Variants in NSD3 observed in about 807,000 individuals in gnomAD.
NSD3 encodes the protein nuclear receptor binding SET domain protein 3.
In NSD3, 24 loss-of-function variants were observed where a neutral mutation model predicts 160.8. The ratio of observed to expected loss-of-function variants is 0.15; its 90% CI spans 0.11 to 0.21. NSD3 has a LOEUF of 0.21. Ranked by LOEUF, NSD3 falls within the 10% of genes least tolerant of loss-of-function variation. NSD3 has a pLI of 1.00. For synonymous variants in NSD3, 520 were observed against 600.0 expected, an observed-to-expected ratio of 0.87 and a Z score of 1.95; for missense variants, 1,157 against 1,735.9, an observed-to-expected ratio of 0.67 and a Z score of 5.93.
intron 1 of NSD3, among the ~76,000 whole-genome samples, chr8:38,357,074 A>G (rs1040775596): frequency 5.6e-5 from 8 of 142,504 alleles, no homozygotes; most frequent in Admixed American, 7.6e-5. Context: ...AGCCAAGATC[A>G]CACCACTGCA....
At chr8:38,345,140 TA>T (rs1276122521) in intron 2 of NSD3, among the ~76,000 whole-genome samples, 2 of 151,982 alleles carry the variant, frequency 1.3e-5, no homozygotes, top group African/African-American at 4.8e-5. Context: ...CAGTTCCAAT[TA>T]ATCAAAATTC....
chr8:38,318,789 GCAA>G lies in NSD3; in HGVS notation c.1855+103_1855+105del. 1 of 1,084,906 alleles carries G rather than the reference GCAA, an allele frequency of 9.2e-7. No homozygotes were observed. The highest frequency in any genetic ancestry group is 1.4e-6 in the Non-Finnish European group (1 of 716,824). 67.2% of individuals were successfully genotyped at this position (1,084,906 alleles called of 1,614,324 possible). ...GAATACTGCAATTTCACACTGAAGA[GCAA>G]CAACGATTTACAGAGACAGACAAAA... On this transcript the variant is annotated intron_variant, in intron 9 of 23. Coordinates refer to ENST00000317025, the MANE Select transcript of NSD3 (RefSeq NM_023034.2). The surrounding 1 kb of genome is among the most constrained non-coding windows in gnomAD (Gnocchi z 5.3).
intron 12 of NSD3, among the ~76,000 whole-genome samples, chr8:38,314,196 G>A (rs992398589): frequency 2.6e-5 from 4 of 152,186 alleles, no homozygotes; most frequent in East Asian, 1.9e-4. Context: ...GGTAGTCTAT[G>A]TATAGTGAGA....
Position 38,329,328 on chromosome 8 carries a change from C to T in NSD3, c.1581+50G>A, listed in dbSNP as rs551602008. 1.3e-6 allele frequency: 2 copies of T among 1,567,850 alleles called. No individual in the cohort carries two copies. Among genetic ancestry groups the T allele is most frequent in the East Asian group, 4.5e-5 (2 of 44,398 alleles). ...TCATTGTTTTAAATGCCAAGGTTGA[C>T]CACTTTTAAAATACCATCCCCCAAA... On this transcript the variant is annotated intron_variant, in intron 6 of 23. Transcript: ENST00000317025. The surrounding 1 kb of genome is among the most constrained non-coding windows in gnomAD (Gnocchi z 4.8).
Position 38,276,298 on chromosome 8 carries a change from T to C in NSD3, c.4070A>G (p.Tyr1357Cys). Reference sequence around the variant, plus strand: ...AGGGTCCTGAAGGTCCAGCTTACCATATGGTGGCTGAGTCAGGTTAAGGCA... The same window carrying C: ...AGGGTCCTGAAGGTCCAGCTTACCACATGGTGGCTGAGTCAGGTTAAGGCA... ...LLCLNLTQPPYGKWECPWHQC... is the reference protein window; with the variant it reads ...LLCLNLTQPPCGKWECPWHQC... The change falls in exon 23 of 24, where the codon TAT (tyrosine) becomes TGT (cysteine). Residue 1357 changes from tyrosine to cysteine, a missense_variant and splice_region_variant. This residue lies in a region of NSD3 where 222 missense variants were observed against 409.9 expected (regional missense o/e 0.54). Coordinates refer to ENST00000317025, the MANE Select transcript of NSD3 (RefSeq NM_023034.2). 1 of 1,614,096 alleles carries C rather than the reference T, an allele frequency of 6.2e-7. No homozygotes were observed. The highest frequency in any genetic ancestry group is 8.5e-7 in the Non-Finnish European group (1 of 1,180,008).
chr8:38,285,446 A>T (rs1808836253), intron 19 of NSD3, among the ~76,000 whole-genome samples: 1 of 152,198 alleles, frequency 6.6e-6, no homozygotes, highest in South Asian at 2.1e-4. Context: ...TGTCTCTGTG[A>T]TTATTACACT....
chr8:38,372,236 C>G (rs1050920833), intron 1 of NSD3, among the ~76,000 whole-genome samples: 4 of 152,182 alleles, frequency 2.6e-5, no homozygotes, highest in African/African-American at 9.7e-5. Flanking sequence ...ATCACTGAAT[C>G]TTACCAAAAA....
rs1808540202 is a variant in NSD3, at chr8:38,273,800, C to T, written c.*1841G>A. On this transcript the variant is annotated 3_prime_UTR_variant, in exon 24 of 24. Coordinates refer to ENST00000317025, the MANE Select transcript of NSD3 (RefSeq NM_023034.2). ...TCCATTTTGCTCTTTCTTTTGGGACCATATCTAATCAACAGAAGTACTGGA... is the reference window on the plus strand; with the variant it reads ...TCCATTTTGCTCTTTCTTTTGGGACTATATCTAATCAACAGAAGTACTGGA... 1 of 152,040 alleles carries T rather than the reference C, an allele frequency of 6.6e-6. No individual in the cohort carries two copies. 9.4% of individuals were successfully genotyped at this position (152,040 alleles called of 1,614,324 possible). A position where few individuals can be genotyped will look rare whatever the true frequency, so the allele number is the denominator to read the frequency against.
chr8:38,285,624 T>C (rs540890832), intron 19 of NSD3, among the ~76,000 whole-genome samples: 55 of 152,348 alleles, frequency 3.6e-4, no homozygotes, highest in African/African-American at 1.3e-3. Flanking sequence ...TAACACAATA[T>C]TAAAGTGGAT....
intron 15 of NSD3, among the ~76,000 whole-genome samples, chr8:38,296,653 T>C (rs1186317891): frequency 6.8e-6 from 1 of 146,900 alleles, no homozygotes; most frequent in Non-Finnish European, 1.5e-5. Flanking sequence ...AAAAAACCTC[T>C]CTTTCTCTCT....
Position 38,337,345 on chromosome 8 carries a change from A to G in NSD3, c.870T>C (p.Ser290=). 1 of 1,609,778 alleles carries G rather than the reference A, an allele frequency of 6.2e-7. No individual in the cohort carries two copies. The highest frequency in any genetic ancestry group is 2.2e-5 in the East Asian group (1 of 44,698). The change falls in exon 4 of 24, where the codon AGT becomes AGC. Residue 290 remains serine (S), a synonymous_variant. Coordinates refer to ENST00000317025, the MANE Select transcript of NSD3 (RefSeq NM_023034.2). ...TYPWWPCMVS[S]DPQLEVHTKI... ...TAGTATGAACCTCAAGCTGGGGATC[A>G]CTTGAAACCATACAAGGCCACCAAG...
intron 1 of NSD3, among the ~76,000 whole-genome samples, chr8:38,352,826 G>A (rs1394790055): frequency 6.6e-6 from 1 of 152,044 alleles, no homozygotes; most frequent in Non-Finnish European, 1.5e-5. Context: ...GGCTGATCTC[G>A]AGCTCCTGAT....
Position 38,321,213 on chromosome 8 carries a change from G to A in NSD3, c.1709-41C>T. The A allele has an allele frequency of 2.6e-6, 4 of 1,535,914 alleles. No homozygotes were observed. The highest frequency in any genetic ancestry group is 3.6e-6 in the Non-Finnish European group (4 of 1,123,490). ...AACACACAAACAAAAACTCACTTAA[G>A]GATACCTTGACATCTATGTAATTAA... On this transcript the variant is annotated intron_variant, in intron 7 of 23. Coordinates refer to ENST00000317025, the MANE Select transcript of NSD3 (RefSeq NM_023034.2). This position sits in a 1 kb window ranked among gnomAD's most constrained non-coding sequence, Gnocchi z 4.7.
At chr8:38,338,306 A>G (rs1810274132) in intron 3 of NSD3, among the ~76,000 whole-genome samples, 1 of 89,484 alleles carries the variant, frequency 1.1e-5, no homozygotes, top group Admixed American at 1.2e-4. Context: ...TCTCAAAAAG[A>G]AAAAAAAAAA....
chr8:38,359,259 CT>C (rs1810900502), intron 1 of NSD3, among the ~76,000 whole-genome samples: 1 of 152,138 alleles, frequency 6.6e-6, no homozygotes. Flanking sequence ...CTGCAAGCCC[CT>C]CATCCCTTTT....
chr8:38,347,775 G>A lies in NSD3; in HGVS notation c.397C>T (p.Pro133Ser). 1 of 1,613,352 alleles carries A rather than the reference G, an allele frequency of 6.2e-7. No homozygotes were observed. The highest frequency in any genetic ancestry group is 8.5e-7 in the Non-Finnish European group (1 of 1,180,026). The stretch of plus-strand genomic sequence containing the variant: ...TGTGGTACCGAAGGAGGAGGTGGTG[G>A]CTGTGGAGGGGAAGGTTTTTCCAGA... ...EILEKPSPPQ[P>S]PPPPSVPQTV... The change falls in exon 2 of 24, where the codon CCA becomes TCA. Residue 133 changes from proline (P) to serine (S), a missense_variant. Transcript: ENST00000317025.
intron 16 of NSD3, among the ~76,000 whole-genome samples, chr8:38,292,618 T>TA (rs556060710): frequency 6.1e-4 from 87 of 142,850 alleles, no homozygotes; most frequent in South Asian, 1.5e-3. Flanking sequence ...CCATCTCTAC[T>TA]AAAAAAAAAA....
intron 1 of NSD3, among the ~76,000 whole-genome samples, chr8:38,381,423 G>A (rs1200507080): frequency 6.6e-6 from 1 of 151,496 alleles, no homozygotes; most frequent in Non-Finnish European, 1.5e-5. Flanking sequence ...GTCCACCCAG[G>A]TCTGTAATCT....
chr8:38,379,722 C>T (rs1332901632), intron 1 of NSD3, among the ~76,000 whole-genome samples: 1 of 152,198 alleles, frequency 6.6e-6, no homozygotes, highest in Non-Finnish European at 1.5e-5. Context: ...TGTAGTTCAA[C>T]TGGTTTGAGT....
Sources: gnomAD v4.1 joint callset for allele counts (sites outside exome capture counted in the v4.1 genomes callset) on GRCh38, gnomAD v4.1.1 for gene constraint, gnomAD v4.1.1 regional missense constraint, Gnocchi (gnomAD v3.1) non-coding constraint, MANE v1.5 for transcripts, NCBI Gene and HGNC (gene_info 2026-07-23, HGNC 2026-07-21) for gene names.